PTPRM: variants seen among roughly 807,000 people sequenced by gnomAD.
The protein encoded by PTPRM is protein tyrosine phosphatase receptor type M.
Under a neutral mutation model 186.7 loss-of-function variants are expected in PTPRM, and 47 were observed. The observed-to-expected ratio is 0.25, with a 90% CI of 0.20 to 0.32. PTPRM has a LOEUF of 0.32. Among genes scored for constraint, PTPRM ranks in the 10% least tolerant of loss-of-function variants. PTPRM has a pLI of 1.00. For missense variants in PTPRM, 1,494 were observed against 1,865.0 expected (o/e 0.80, Z 3.66); for synonymous variants, 668 against 674.9 (o/e 0.99, Z 0.16).
intron 2 of PTPRM, among the ~76,000 whole-genome samples, chr18:7,795,296 T>C (rs2043566304): frequency 6.6e-6 from 1 of 152,140 alleles, no homozygotes; most frequent in Admixed American, 6.5e-5. Flanking sequence ...TCATCAGCCT[T>C]TCAGCTGTTT....
intron 31 of PTPRM, among the ~76,000 whole-genome samples, chr18:8,393,582 AATAGTATTGTCC>A (rs1255208026): frequency 3.3e-5 from 5 of 152,220 alleles, no homozygotes. Flanking sequence ...TGGTTTAGTT[AATAGTATTGTCC>A]CAGCATCACG....
At chr18:8,267,515 TA>T (rs1364888510) in intron 19 of PTPRM, among the ~76,000 whole-genome samples, 1 of 152,158 alleles carries the variant, frequency 6.6e-6, no homozygotes, top group African/African-American at 2.4e-5. Context: ...ATTACAATCT[TA>T]ACACAAAGAG....
chr18:8,035,833 G>C (rs114736006), intron 7 of PTPRM, among the ~76,000 whole-genome samples: 1 of 152,162 alleles, frequency 6.6e-6, no homozygotes, highest in Non-Finnish European at 1.5e-5. Context: ...AATATGCACA[G>C]TATTTTGTAT....
At chr18:7,907,054 C>T (rs1033006789) in intron 4 of PTPRM, among the ~76,000 whole-genome samples, 1 of 152,062 alleles carries the variant, frequency 6.6e-6, no homozygotes, top group African/African-American at 2.4e-5. Context: ...ACCTGGGGAC[C>T]CCAGAAATGG....
At chr18:8,098,017 C>T (rs191283577) in intron 11 of PTPRM, among the ~76,000 whole-genome samples, 225 of 152,280 alleles carry the variant, frequency 1.5e-3, no homozygotes, top group Middle Eastern at 6.8e-3. Context: ...CACTGTTTTA[C>T]AGTTGCCTAC....
intron 22 of PTPRM, among the ~76,000 whole-genome samples, chr18:8,331,786 G>T (rs2095413441): frequency 6.6e-6 from 1 of 152,194 alleles, no homozygotes; most frequent in African/African-American, 2.4e-5. Flanking sequence ...ATTGTTCACT[G>T]TTAAACTGTA....
intron 1 of PTPRM, among the ~76,000 whole-genome samples, chr18:7,745,702 A>C (rs1380832729): frequency 6.6e-6 from 1 of 152,246 alleles, no homozygotes; most frequent in East Asian, 1.9e-4. Flanking sequence ...ATCAGTGACC[A>C]GAAACCAAGA....
intron 1 of PTPRM, among the ~76,000 whole-genome samples, chr18:7,633,989 C>T (rs1403964442): frequency 6.6e-6 from 1 of 152,086 alleles, no homozygotes; most frequent in Non-Finnish European, 1.5e-5. Context: ...CAAAGTCTTC[C>T]ATTTTTCACC....
chr18:8,206,398 G>A (rs991449061), intron 14 of PTPRM, among the ~76,000 whole-genome samples: 4 of 151,942 alleles, frequency 2.6e-5, no homozygotes, highest in Admixed American at 6.6e-5. Context: ...ACAGGCGCCC[G>A]CCACCACATC....
chr18:7,992,276 A>G (rs960604581), intron 7 of PTPRM, among the ~76,000 whole-genome samples: 3 of 152,162 alleles, frequency 2.0e-5, no homozygotes, highest in African/African-American at 7.2e-5. Context: ...TGCCTATATC[A>G]TTCACTTCTT....
chr18:7,812,599 C>A (rs551055413), intron 2 of PTPRM, among the ~76,000 whole-genome samples: 1 of 152,224 alleles, frequency 6.6e-6, no homozygotes, highest in East Asian at 1.9e-4. Flanking sequence ...GATGGATTGT[C>A]ATGGCAGTGT....
Position 8,113,758 on chromosome 18 carries a change from G to A in PTPRM, c.2129G>A (p.Gly710Glu), listed in dbSNP as rs1321958254. ...TTCCAAGCTGCTAGTAGAGCCAATGGGGTAAGTTGTACAGATAACTGTTTA... is the reference window on the plus strand; with the variant it reads ...TTCCAAGCTGCTAGTAGAGCCAATGAGGTAAGTTGTACAGATAACTGTTTA... ...IYFQAASRAN[G>E]ETKIDCVQVA... Residue 710 changes from glycine to glutamate, a missense_variant and splice_region_variant, in exon 12 of 33, where the codon GGG becomes GAG. Physicochemically the swap from Gly to Glu is moderately conservative, Grantham distance 98 (BLOSUM62 -2). Coordinates refer to ENST00000580170, the MANE Select transcript of PTPRM (RefSeq NM_001105244.2). 4.3e-6 allele frequency: 7 copies of A among 1,611,770 alleles called. No individual in the cohort carries two copies. The highest frequency in any genetic ancestry group is 1.3e-5 in the African/African-American group (1 of 74,796).
intron 7 of PTPRM, among the ~76,000 whole-genome samples, chr18:8,021,317 G>C (rs866599804): frequency 8.5e-4 from 121 of 142,986 alleles, no homozygotes; most frequent in South Asian, 1.1e-3. Context: ...GCATAAAAGA[G>C]ACACACACAC....
chr18:7,776,997 A>T (rs1392219525), intron 2 of PTPRM, among the ~76,000 whole-genome samples: 1 of 151,602 alleles, frequency 6.6e-6, no homozygotes, highest in East Asian at 1.9e-4. Context: ...CTCCTCTTCC[A>T]TTAATGTGTG....
chr18:7,768,987 A>C (rs1464288530), intron 1 of PTPRM, among the ~76,000 whole-genome samples: 1 of 152,028 alleles, frequency 6.6e-6, no homozygotes, highest in African/African-American at 2.4e-5. Context: ...TTAATCTAGA[A>C]TGCACTGGGC....
intron 1 of PTPRM, among the ~76,000 whole-genome samples, chr18:7,652,277 A>G (rs2038728480): frequency 6.6e-6 from 1 of 152,172 alleles, no homozygotes; most frequent in Non-Finnish European, 1.5e-5. Context: ...GGATGTAGAG[A>G]AATAGGAACA....
chr18:8,017,211 C>G (rs1386822198), intron 7 of PTPRM, among the ~76,000 whole-genome samples: 2 of 152,008 alleles, frequency 1.3e-5, no homozygotes, highest in Non-Finnish European at 2.9e-5. Flanking sequence ...TAAACACATG[C>G]ACATATAGGT....
intron 7 of PTPRM, among the ~76,000 whole-genome samples, chr18:7,983,353 C>A (rs563713946): frequency 2.0e-5 from 3 of 152,082 alleles, no homozygotes; most frequent in Non-Finnish European, 4.4e-5. Context: ...GCTATCCCCC[C>A]AACCTGGTTA....
At chr18:8,314,450 G>A (rs2095293182) in intron 20 of PTPRM, among the ~76,000 whole-genome samples, 1 of 152,182 alleles carries the variant, frequency 6.6e-6, no homozygotes, top group South Asian at 2.1e-4. Context: ...ATGTGATTTA[G>A]TGAAGTTGCT....
Sources: allele counts gnomAD v4.1 joint callset (sites outside exome capture counted in the v4.1 genomes callset), GRCh38; gene constraint gnomAD v4.1.1; transcripts MANE v1.5; gene names NCBI Gene and HGNC (gene_info 2026-07-23, HGNC 2026-07-21).